Variants in IL1RAPL1 observed in about 807,000 individuals in gnomAD.
IL1RAPL1 encodes interleukin 1 receptor accessory protein like 1.
In IL1RAPL1, 3 loss-of-function variants were observed where a neutral mutation model predicts 48.4. The ratio of observed to expected loss-of-function variants is 0.06; its 90% CI spans 0.03 to 0.16. IL1RAPL1 has a LOEUF of 0.16. Among genes scored for constraint, IL1RAPL1 ranks in the 10% least tolerant of loss-of-function variants. The probability of loss-of-function intolerance (pLI) is 1.00; values close to 1 mark genes in which losing one functional copy is unlikely to be tolerated. For missense variants in IL1RAPL1, 349 were observed against 530.6 expected (o/e 0.66, Z 3.36); for synonymous variants, 185 against 187.7 (o/e 0.99, Z 0.12).
intron 2 of IL1RAPL1, among the ~76,000 whole-genome samples, chrX:29,071,364 A>C (rs1006414070): frequency 8.9e-6 from 1 of 112,167 alleles, no homozygotes; most frequent in Admixed American, 9.5e-5. Flanking sequence ...TAATTCAAGC[A>C]AACAAAACAG....
intron 5 of IL1RAPL1, among the ~76,000 whole-genome samples, chrX:29,647,085 C>T (rs750229268): frequency 1.8e-5 from 2 of 112,540 alleles, no homozygotes; most frequent in South Asian, 3.6e-4. Context: ...CGTGGTGGCT[C>T]ACACCTGTAA....
chrX:29,650,304 C>T (rs1030758602), intron 5 of IL1RAPL1, among the ~76,000 whole-genome samples: 6 of 111,645 alleles, frequency 5.4e-5, no homozygotes, highest in African/African-American at 9.7e-5. Flanking sequence ...CTGCAAAAGA[C>T]ACAAAAGAGC....
At chrX:29,890,363 CTCCTT>C (rs1932252091) in intron 6 of IL1RAPL1, among the ~76,000 whole-genome samples, 1 of 111,995 alleles carries the variant, frequency 8.9e-6, no homozygotes, top group African/African-American at 3.2e-5. Context: ...CCTAATCCCT[CTCCTT>C]TCTAATTACT....
At chrX:29,621,326 T>A (rs1433341822) in intron 5 of IL1RAPL1, among the ~76,000 whole-genome samples, 2 of 111,359 alleles carry the variant, frequency 1.8e-5, no homozygotes, top group Non-Finnish European at 3.8e-5. Context: ...TGAACATGTA[T>A]AAGTATATGG....
intron 5 of IL1RAPL1, among the ~76,000 whole-genome samples, chrX:29,563,436 G>A (rs2340364): frequency 0.35 from 38,105 of 110,314 alleles, 4,991 homozygotes; most frequent in African/African-American, 0.45. Context: ...TTATTTTCTT[G>A]GTAATCTACA....
intron 2 of IL1RAPL1, among the ~76,000 whole-genome samples, chrX:28,990,788 C>A (rs997978343): frequency 9.0e-6 from 1 of 111,552 alleles, no homozygotes; most frequent in Non-Finnish European, 1.9e-5. Flanking sequence ...ATGATGGTAT[C>A]CATATGTTAG....
chrX:29,393,207 C>T (rs1933876685), intron 3 of IL1RAPL1, among the ~76,000 whole-genome samples: 2 of 111,632 alleles, frequency 1.8e-5, no homozygotes, highest in South Asian at 3.7e-4. Flanking sequence ...CTGCAAGCTC[C>T]GCCTCCCGGG....
intron 2 of IL1RAPL1, among the ~76,000 whole-genome samples, chrX:29,211,911 T>C (rs1877780275): frequency 9.0e-6 from 1 of 111,133 alleles, no homozygotes; most frequent in Admixed American, 9.6e-5. Context: ...TTTCTATACT[T>C]ACAGTCTTAT....
At chrX:28,626,017 A>C (rs937771744) in intron 1 of IL1RAPL1, among the ~76,000 whole-genome samples, 1 of 112,120 alleles carries the variant, frequency 8.9e-6, no homozygotes, top group Non-Finnish European at 1.9e-5. Context: ...TCTTGTACCC[A>C]TTCCATGGGG....
intron 5 of IL1RAPL1, among the ~76,000 whole-genome samples, chrX:29,591,717 G>A (rs1365081375): frequency 8.9e-6 from 1 of 112,749 alleles, no homozygotes; most frequent in Non-Finnish European, 1.9e-5. Flanking sequence ...AGATGCAGCT[G>A]TTTATTAAGG....
chrX:29,907,474 C>T (rs948675750), intron 6 of IL1RAPL1, among the ~76,000 whole-genome samples: 1 of 110,961 alleles, frequency 9.0e-6, no homozygotes, highest in Non-Finnish European at 1.9e-5. Context: ...ATAAATCCCA[C>T]ATTTATTTTT....
At chrX:28,635,858 A>G (rs1401109645) in intron 1 of IL1RAPL1, among the ~76,000 whole-genome samples, 1 of 111,321 alleles carries the variant, frequency 9.0e-6, no homozygotes, top group African/African-American at 3.3e-5. Context: ...TTTGTCTTGT[A>G]TTATAATTGC....
chrX:29,361,488 C>T (rs1276292611), intron 3 of IL1RAPL1, among the ~76,000 whole-genome samples: 1 of 110,296 alleles, frequency 9.1e-6, no homozygotes, highest in Non-Finnish European at 1.9e-5. Flanking sequence ...ATCTGGCCTT[C>T]CTACTACAGT....
rs1317171904 is a variant in IL1RAPL1 at position 29,304,172 on chromosome X, CT to C, written c.362+20965del. On this transcript the variant is annotated intron_variant, in intron 3 of 10. Transcript: ENST00000378993. ...CTTATGGAAAATAACTATTTTCTTGCTTTTTTTTTTCCTCAAGAAAGCCTTG... is the reference window on the plus strand; with the variant it reads ...CTTATGGAAAATAACTATTTTCTTGCTTTTTTTTTCCTCAAGAAAGCCTTG... Among the ~76,000 whole-genome samples the C allele has an allele frequency of 2.8e-4, 30 of 106,892 alleles. No homozygotes were observed. In the East Asian group the frequency reaches 5.0e-3, roughly 18 times the overall value. The allele number at this position is 106,892 out of a possible 115,157, so 92.8% of individuals were successfully genotyped here.
chrX:29,535,134 C>CAAAAAAAAAAA (rs35842937), intron 5 of IL1RAPL1, among the ~76,000 whole-genome samples: 2 of 22,581 alleles, frequency 8.9e-5, no homozygotes, highest in African/African-American at 3.9e-4. Context: ...ACTCTGTCTC[C>CAAAAAAAAAAA]AAAAAAAAAA....
intron 1 of IL1RAPL1, among the ~76,000 whole-genome samples, chrX:28,724,344 T>C (rs1424572176): frequency 8.9e-6 from 1 of 111,894 alleles, no homozygotes; most frequent in African/African-American, 3.3e-5. Flanking sequence ...TTTACCATTA[T>C]GTAATGGCCT....
chrX:29,884,438 T>A (rs1173138836), intron 6 of IL1RAPL1, among the ~76,000 whole-genome samples: 1 of 110,278 alleles, frequency 9.1e-6, no homozygotes, highest in African/African-American at 3.3e-5. Flanking sequence ...TTCTCTTAGT[T>A]TCCCTCCCAC....
At chrX:28,755,300 G>T (rs950172341) in intron 1 of IL1RAPL1, among the ~76,000 whole-genome samples, 3 of 112,368 alleles carry the variant, frequency 2.7e-5, no homozygotes, top group Non-Finnish European at 5.6e-5. Context: ...TTGGCCTCAT[G>T]TTCACATTTT....
In IL1RAPL1 at chrX:28,945,767, TTAAAA is replaced by T. The variant is rs1356347090; in HGVS notation, c.82+156346_82+156350del. ...TGTATCCCGGAACGTAAAGTAAAAT[TTAAAA>T]TAATAATAATAATAACTCATTTTAG... On this transcript the variant is annotated intron_variant, in intron 2 of 10. Coordinates refer to ENST00000378993, the MANE Select transcript of IL1RAPL1 (RefSeq NM_014271.4). Among the ~76,000 whole-genome samples the T allele has an allele frequency of 2.0e-4, 22 of 109,783 alleles. 1 individual carries two copies.
Sources: gnomAD v4.1 joint callset for allele counts (sites outside exome capture counted in the v4.1 genomes callset) on GRCh38, gnomAD v4.1.1 for gene constraint, MANE v1.5 for transcripts, NCBI Gene and HGNC (gene_info 2026-07-23, HGNC 2026-07-21) for gene names.